KLHL32: variants seen among roughly 807,000 people sequenced by gnomAD.
KLHL32 encodes kelch-like protein 32.
Under a neutral mutation model 64.8 loss-of-function variants are expected in KLHL32, and 35 were observed. The ratio of observed to expected loss-of-function variants is 0.54; its 90% CI spans 0.41 to 0.72. The LOEUF (loss-of-function observed/expected upper bound fraction) is 0.72. KLHL32 is among the 30% of genes least tolerant of loss of function. KLHL32 has a pLI of 0.00. For synonymous variants in KLHL32, 259 were observed against 281.0 expected, an observed-to-expected ratio of 0.92 and a Z score of 0.78; for missense variants, 589 against 768.5, an observed-to-expected ratio of 0.77 and a Z score of 2.76.
intron 7 of KLHL32, among the ~76,000 whole-genome samples, chr6:97,121,022 A>G (rs1013447966): frequency 6.6e-6 from 1 of 152,242 alleles, no homozygotes; most frequent in South Asian, 2.1e-4. Context: ...TTTAAAGGAA[A>G]GAAAGCAATC....
intron 5 of KLHL32, among the ~76,000 whole-genome samples, chr6:97,084,325 TG>T (rs1793062265): frequency 6.6e-6 from 1 of 152,190 alleles, no homozygotes; most frequent in Non-Finnish European, 1.5e-5. Context: ...CTGATTTTTG[TG>T]GGGGTACAGT....
Position 97,140,721 on chromosome 6 carries a change from A to G in KLHL32, c.*1439A>G, listed in dbSNP as rs1459889540. 1.3e-5 allele frequency: 2 copies of G among 151,984 alleles called. No homozygotes were observed. Among genetic ancestry groups the G allele is most frequent in the Admixed American group, 1.3e-4 (2 of 15,262 alleles). The allele number at this position is 151,984 out of a possible 1,614,324, so 9.4% of individuals were successfully genotyped here. A position where few individuals can be genotyped will look rare whatever the true frequency, so the allele number is the denominator to read the frequency against. On this transcript the variant is annotated 3_prime_UTR_variant, in exon 11 of 11. Transcript: ENST00000369261. Reference sequence around the variant, plus strand: ...ATTCATGTAACCTTTTTTTGTAATCAAAAGTGAATAAAAACGATCTTTTTG... The same window carrying G: ...ATTCATGTAACCTTTTTTTGTAATCGAAAGTGAATAAAAACGATCTTTTTG...
chr6:97,110,033 A>G (rs1340489584), intron 6 of KLHL32, among the ~76,000 whole-genome samples: 1 of 152,184 alleles, frequency 6.6e-6, no homozygotes, highest in Non-Finnish European at 1.5e-5. Context: ...TTGCTGAACA[A>G]TCTCCCCAGA....
intron 3 of KLHL32, among the ~76,000 whole-genome samples, chr6:97,039,255 T>C (rs996846485): frequency 6.6e-6 from 1 of 151,880 alleles, no homozygotes; most frequent in South Asian, 2.1e-4. Context: ...GAATTAGAGG[T>C]CATTATGTTA....
chr6:97,114,621 T>C (rs1797628130), intron 7 of KLHL32, 112 bp downstream of exon 7: 1 of 1,302,734 alleles, frequency 7.7e-7, no homozygotes, highest in Non-Finnish European at 1.1e-6. Context: ...GAACCAAGCA[T>C]GCCATTTTAG....
intron 1 of KLHL32, among the ~76,000 whole-genome samples, chr6:96,928,006 A>G (rs1409797661): frequency 6.6e-6 from 1 of 152,234 alleles, no homozygotes; most frequent in African/African-American, 2.4e-5. Context: ...AATGAAAGAA[A>G]TCTTGCAACT....
intron 5 of KLHL32, among the ~76,000 whole-genome samples, chr6:97,075,040 C>T (rs1297277999): frequency 6.6e-6 from 1 of 152,084 alleles, no homozygotes; most frequent in Admixed American, 6.5e-5. Context: ...ACTAGATTTC[C>T]AGCTTACTAG....
chr6:97,095,504 T>C (rs1261992957), intron 6 of KLHL32, among the ~76,000 whole-genome samples: 1 of 152,200 alleles, frequency 6.6e-6, no homozygotes, highest in African/African-American at 2.4e-5. Flanking sequence ...CCTACCCAAA[T>C]TGGCCTGCTT....
At chr6:97,018,486 A>G (rs1781539054) in intron 3 of KLHL32, among the ~76,000 whole-genome samples, 1 of 151,676 alleles carries the variant, frequency 6.6e-6, no homozygotes, top group Admixed American at 6.6e-5. Context: ...CCAGCTGCTC[A>G]GGAGGCTGAG....
intron 6 of KLHL32, among the ~76,000 whole-genome samples, chr6:97,107,229 C>A (rs557999376): frequency 2.6e-4 from 40 of 151,562 alleles, no homozygotes; most frequent in African/African-American, 9.5e-4. Context: ...GGAGGCGGAG[C>A]TTGCAGTGAG....
chr6:97,030,554 T>A (rs1185763684), intron 3 of KLHL32, among the ~76,000 whole-genome samples: 1 of 152,232 alleles, frequency 6.6e-6, no homozygotes, highest in African/African-American at 2.4e-5. Context: ...AATCTCAGCC[T>A]GGCCGAGGCT....
At chr6:96,937,213 T>C (rs1770716829) in intron 1 of KLHL32, among the ~76,000 whole-genome samples, 1 of 152,168 alleles carries the variant, frequency 6.6e-6, no homozygotes, top group Admixed American at 6.5e-5. Context: ...TGTTCCCTCA[T>C]GCCCATTTGC....
At chr6:97,098,588 A>G (rs1368411753) in intron 6 of KLHL32, among the ~76,000 whole-genome samples, 1 of 152,220 alleles carries the variant, frequency 6.6e-6, no homozygotes, top group East Asian at 1.9e-4. Context: ...TCATTAGGTG[A>G]TCATTCAGTC....
intron 4 of KLHL32, chr6:97,062,251 T>C (rs893151950): frequency 6.6e-6 from 1 of 152,192 alleles, no homozygotes; most frequent in Non-Finnish European, 1.5e-5. Flanking sequence ...TAAATACCAG[T>C]TGTGTGAAAT....
At chr6:96,972,397 G>A (rs536278481) in intron 2 of KLHL32, among the ~76,000 whole-genome samples, 3 of 152,188 alleles carry the variant, frequency 2.0e-5, no homozygotes, top group Admixed American at 2.0e-4. Flanking sequence ...CCCTACAATA[G>A]AGTATTACTA....
chr6:96,952,301 T>C (rs1772723772), intron 1 of KLHL32, among the ~76,000 whole-genome samples: 1 of 152,234 alleles, frequency 6.6e-6, no homozygotes, highest in Non-Finnish European at 1.5e-5. Flanking sequence ...TAGAAGTGTT[T>C]TGGGCATTTT....
chr6:96,988,187 T>C (rs1212851587), intron 3 of KLHL32, among the ~76,000 whole-genome samples: 1 of 151,890 alleles, frequency 6.6e-6, no homozygotes, highest in African/African-American at 2.4e-5. Context: ...TGGGAGAAAA[T>C]TTGTGCAATC....
intron 3 of KLHL32, among the ~76,000 whole-genome samples, chr6:97,031,678 G>A (rs892567945): frequency 6.6e-6 from 1 of 152,108 alleles, no homozygotes; most frequent in Non-Finnish European, 1.5e-5. Context: ...TGTCAAAGTG[G>A]AAGTTCTGTA....
chr6:96,921,848 T>C (rs1252904696), upstream of KLHL32, among the ~76,000 whole-genome samples: 1 of 152,186 alleles, frequency 6.6e-6, no homozygotes, highest in Admixed American at 6.5e-5. Flanking sequence ...CTCCTATATC[T>C]TGGCTCATGG....
Sources: allele counts gnomAD v4.1 joint callset (sites outside exome capture counted in the v4.1 genomes callset), GRCh38; gene constraint gnomAD v4.1.1; transcripts MANE v1.5; gene names NCBI Gene and HGNC (gene_info 2026-07-23, HGNC 2026-07-21).